Variants in SPIDR observed in about 807,000 individuals in gnomAD.
The protein encoded by SPIDR is DNA repair-scaffolding protein.
A neutral mutation model predicts 104.6 loss-of-function variants in SPIDR; 93 were observed. That is an observed-to-expected ratio of 0.89 (90% CI 0.75 to 1.06). The LOEUF (loss-of-function observed/expected upper bound fraction) is 1.06, where lower values mean the gene tolerates loss of function less well. SPIDR is among the 50% of genes least tolerant of loss of function. SPIDR has a pLI of 0.00. For synonymous variants in SPIDR, 431 were observed against 416.9 expected, an observed-to-expected ratio of 1.03 and a Z score of -0.41; for missense variants, 1,154 against 1,111.2, an observed-to-expected ratio of 1.04 and a Z score of -0.55.
At position 47,293,868 on chromosome 8, in the gene SPIDR, T is replaced by G; in HGVS notation, c.363T>G (p.Asp121Glu). ...CAAGTTAAAAATTATATTTTTTAGA[T>G]GAATTACAGTTTATCGACTGGGAGA... Reference protein sequence around the residue: ...EDKTLSQLQRDELQFIDWEID... With the variant: ...EDKTLSQLQREELQFIDWEID... The change falls in exon 5 of 20, where the codon GAT (aspartate) becomes GAG (glutamate). Residue 121 changes from aspartate to glutamate, a missense_variant and splice_region_variant. Asp to Glu is a conservative substitution (Grantham distance 45, BLOSUM62 2). Transcript: ENST00000297423. 6.3e-7 allele frequency: 1 copy of G among 1,599,836 alleles called. No homozygotes were observed. Among genetic ancestry groups the G allele is most frequent in the Non-Finnish European group, 8.5e-7 (1 of 1,173,610 alleles).
intron 10 of SPIDR, among the ~76,000 whole-genome samples, chr8:47,624,205 C>T (rs2065626095): frequency 6.6e-6 from 1 of 152,180 alleles, no homozygotes; most frequent in Non-Finnish European, 1.5e-5. Flanking sequence ...AAAGACACAA[C>T]ATACCAGAAT....
At chr8:47,263,510 A>T (rs1224950484) in intron 1 of SPIDR, among the ~76,000 whole-genome samples, 1 of 152,110 alleles carries the variant, frequency 6.6e-6, no homozygotes. Context: ...TATTAGAGAC[A>T]GGGTTTCACC....
intron 8 of SPIDR, among the ~76,000 whole-genome samples, chr8:47,560,514 C>T (rs1015363427): frequency 1.3e-5 from 2 of 152,204 alleles, no homozygotes; most frequent in Non-Finnish European, 1.5e-5. Flanking sequence ...TAAGTTCAGA[C>T]TGTAGAAGCA....
intron 6 of SPIDR, among the ~76,000 whole-genome samples, chr8:47,397,400 G>A (rs1185091873): frequency 2.0e-5 from 3 of 152,112 alleles, no homozygotes; most frequent in Non-Finnish European, 4.4e-5. Flanking sequence ...GGAGGCCGAG[G>A]CAGGAGAATT....
chr8:47,713,443 A>G, intron 15 of SPIDR, 46 bp from the exon 16 acceptor site: 1 of 1,611,638 alleles, frequency 6.2e-7, no homozygotes, highest in South Asian at 1.1e-5. Flanking sequence ...GGCACAATTC[A>G]CTTTTTCTTC....
chr8:47,573,333 T>C (rs557303211), intron 8 of SPIDR, among the ~76,000 whole-genome samples: 1 of 152,292 alleles, frequency 6.6e-6, no homozygotes, highest in East Asian at 1.9e-4. Context: ...GAAAGTATAA[T>C]GGCCTAGTAC....
chr8:47,420,839 G>T (rs1276475908), intron 7 of SPIDR, among the ~76,000 whole-genome samples: 1 of 151,686 alleles, frequency 6.6e-6, no homozygotes, highest in Non-Finnish European at 1.5e-5. Flanking sequence ...ACATTTGTTT[G>T]AAACAATTTT....
intron 7 of SPIDR, among the ~76,000 whole-genome samples, chr8:47,439,926 A>G (rs554006530): frequency 3.3e-5 from 5 of 152,352 alleles, no homozygotes; most frequent in African/African-American, 1.2e-4. Flanking sequence ...AAAACAGATA[A>G]TAAAGAGGAG....
At chr8:47,554,247 G>T (rs149842432) in intron 8 of SPIDR, among the ~76,000 whole-genome samples, 1 of 152,152 alleles carries the variant, frequency 6.6e-6, no homozygotes, top group Non-Finnish European at 1.5e-5. Flanking sequence ...CTCAAACTCC[G>T]TGCTGGGAGA....
chr8:47,547,268 A>G, intron 8 of SPIDR: 2 of 601,860 alleles, frequency 3.3e-6, no homozygotes, highest in South Asian at 2.8e-5. Context: ...TGTACAGCAA[A>G]GCAACCCTTG....
chr8:47,705,959 G>C (rs1461786284), intron 14 of SPIDR, among the ~76,000 whole-genome samples: 2 of 151,596 alleles, frequency 1.3e-5, no homozygotes, highest in Non-Finnish European at 2.9e-5. Flanking sequence ...AAGTCATGAA[G>C]GTGAAAAAGA....
chr8:47,333,418 C>A (rs1481775562), intron 5 of SPIDR, among the ~76,000 whole-genome samples: 1 of 152,132 alleles, frequency 6.6e-6, no homozygotes, highest in African/African-American at 2.4e-5. Flanking sequence ...TCTCCTGTCT[C>A]AGCCTCCCGA....
At chr8:47,497,836 C>T (rs2079686249) in intron 8 of SPIDR, among the ~76,000 whole-genome samples, 1 of 152,108 alleles carries the variant, frequency 6.6e-6, no homozygotes, top group African/African-American at 2.4e-5. Context: ...CTTTCGACAG[C>T]TGTTGTCAGG....
At chr8:47,482,317 C>G (rs2076986499) in intron 8 of SPIDR, among the ~76,000 whole-genome samples, 1 of 152,100 alleles carries the variant, frequency 6.6e-6, no homozygotes, top group Non-Finnish European at 1.5e-5. Context: ...TGCCTATAGT[C>G]CCAGCTACTC....
At chr8:47,300,134 T>A (rs947942252) in intron 5 of SPIDR, among the ~76,000 whole-genome samples, 1 of 152,214 alleles carries the variant, frequency 6.6e-6, no homozygotes, top group Non-Finnish European at 1.5e-5. Flanking sequence ...TCAGAGCCTG[T>A]TATTGGTCCA....
chr8:47,380,173 T>C (rs2059159153), intron 5 of SPIDR, among the ~76,000 whole-genome samples: 1 of 152,148 alleles, frequency 6.6e-6, no homozygotes, highest in South Asian at 2.1e-4. Flanking sequence ...TAGGTCTGAG[T>C]CGATGACCTC....
chr8:47,564,072 C>CTTTTTTTTTTTTTTTTT (rs869220760), intron 8 of SPIDR, among the ~76,000 whole-genome samples: 20 of 76,840 alleles, frequency 2.6e-4, no homozygotes, highest in South Asian at 5.5e-4. Flanking sequence ...TTTTTCTTTT[C>CTTTTTTTTTTTTTTTTT]TTTTTTTTTT....
At position 47,701,593 on chromosome 8, in the gene SPIDR, A is replaced by G; in HGVS notation, c.1774-128A>G. ...AAACAATGCAATCCATTCCTTGTAT[A>G]GCATTCCAGAGAGAGGATGCACCTG... On this transcript the variant is annotated intron_variant, in intron 12 of 19. Transcript: ENST00000297423. 3 of 837,880 alleles carry G rather than the reference A, an allele frequency of 3.6e-6. No individual in the cohort carries two copies. In the East Asian group the frequency reaches 7.7e-5, roughly 22 times the overall value. 51.9% of individuals were successfully genotyped at this position (837,880 alleles called of 1,614,324 possible). A position where few individuals can be genotyped will look rare whatever the true frequency, so the allele number is the denominator to read the frequency against.
chr8:47,296,179 T>G (rs1325310800), intron 5 of SPIDR, among the ~76,000 whole-genome samples: 1 of 152,216 alleles, frequency 6.6e-6, no homozygotes, highest in East Asian at 1.9e-4. Flanking sequence ...TATTAGCGCC[T>G]TATCAGATAT....
Sources: allele counts gnomAD v4.1 joint callset (sites outside exome capture counted in the v4.1 genomes callset), GRCh38; gene constraint gnomAD v4.1.1; transcripts MANE v1.5; gene names NCBI Gene and HGNC (gene_info 2026-07-23, HGNC 2026-07-21).